Variants in GALNT18 observed in about 807,000 individuals in gnomAD.
GALNT18 encodes the protein GalNAc-transferase 18.
A neutral mutation model predicts 69.5 loss-of-function variants in GALNT18; 44 were observed. The observed-to-expected ratio is 0.63, with a 90% CI of 0.50 to 0.81. The LOEUF is 0.81. Among genes scored for constraint, GALNT18 ranks in the 40% least tolerant of loss-of-function variants. The probability of loss-of-function intolerance (pLI) is 0.00; values close to 1 mark genes in which losing one functional copy is unlikely to be tolerated. For missense variants in GALNT18, 715 were observed against 810.0 expected, an observed-to-expected ratio of 0.88 and a Z score of 1.42; for synonymous variants, 364 against 318.2, an observed-to-expected ratio of 1.14 and a Z score of -1.53.
intron 3 of GALNT18, among the ~76,000 whole-genome samples, chr11:11,418,990 A>G (rs1854929629): frequency 2.0e-5 from 3 of 152,180 alleles, no homozygotes; most frequent in Admixed American, 1.3e-4. Context: ...CCAGGTCACT[A>G]CCCTAGTTGT....
chr11:11,303,986 G>T lies in GALNT18; in HGVS notation c.1513-10793C>A, dbSNP rs965292650. Among the ~76,000 whole-genome samples the T allele has an allele frequency of 8.5e-5, 13 of 152,334 alleles. No individual in the cohort carries two copies. The East Asian group carries it at 2.5e-3, about 29-fold the overall frequency. ...TCCTCTGAAGATGGCTCTGTCCAGGGCTTGGCCCAAATGGTCTATGCTCTG... is the reference window on the plus strand; with the variant it reads ...TCCTCTGAAGATGGCTCTGTCCAGGTCTTGGCCCAAATGGTCTATGCTCTG... On this transcript the variant is annotated intron_variant, in intron 9 of 10. Transcript: ENST00000227756.
intron 1 of GALNT18, among the ~76,000 whole-genome samples, chr11:11,594,828 T>C (rs1859447858): frequency 3.3e-5 from 1 of 29,914 alleles, no homozygotes; most frequent in African/African-American, 6.2e-5. Context: ...TATATATATA[T>C]ATATATATAT....
In GALNT18 at chr11:11,486,550, C is replaced by T. The variant is rs557919788; in HGVS notation, c.236-37614G>A. Among the ~76,000 whole-genome samples the T allele has an allele frequency of 4.6e-5, 7 of 152,318 alleles. No individual in the cohort carries two copies. The East Asian group carries it at 1.2e-3, about 25-fold the overall frequency. On this transcript the variant is annotated intron_variant, in intron 1 of 10. Transcript: ENST00000227756. ...GGTTGACAACTTATTAAAAATGGTTCCTCACCTGGAAAGTGCTGATTACTT... is the reference window on the plus strand; with the variant it reads ...GGTTGACAACTTATTAAAAATGGTTTCTCACCTGGAAAGTGCTGATTACTT...
chr11:11,571,314 A>G (rs113427965), intron 1 of GALNT18, among the ~76,000 whole-genome samples: 2,796 of 152,358 alleles, frequency 0.018, 89 homozygotes, highest in African/African-American at 0.065. Context: ...TCTTTGGAGA[A>G]TCAACCCCTG....
chr11:11,577,128 C>T (rs1858944119), intron 1 of GALNT18, among the ~76,000 whole-genome samples: 1 of 152,224 alleles, frequency 6.6e-6, no homozygotes, highest in South Asian at 2.1e-4. Context: ...ATACTTACCT[C>T]ACACATCTGC....
intron 8 of GALNT18, 49 bp from the exon 9 acceptor site, chr11:11,327,230 G>C (rs1849938771): frequency 7.5e-7 from 1 of 1,328,864 alleles, no homozygotes; most frequent in South Asian, 1.2e-5. Flanking sequence ...GGAACAGAGA[G>C]AGCAAATGAA....
intron 1 of GALNT18, among the ~76,000 whole-genome samples, chr11:11,457,695 T>A (rs1564959421): frequency 2.0e-5 from 3 of 152,208 alleles, no homozygotes; most frequent in Admixed American, 1.3e-4. Context: ...TTCTTGTCCC[T>A]CGGTTTGTGC....
Position 11,543,833 on chromosome 11 carries a change from T to C in GALNT18, c.235+77526A>G, listed in dbSNP as rs918310484. 2.0e-5 allele frequency among the ~76,000 whole-genome samples: 3 copies of C among 152,202 alleles called. No individual in the cohort carries two copies. Among genetic ancestry groups the C allele is most frequent in the Non-Finnish European group, 4.4e-5 (3 of 68,022 alleles). ...TGGTTATTGCTCCCATTTCTTCTTCTGGCGCTCTGGGCTCCAATGGCTTCT... is the reference window on the plus strand; with the variant it reads ...TGGTTATTGCTCCCATTTCTTCTTCCGGCGCTCTGGGCTCCAATGGCTTCT... On this transcript the variant is annotated intron_variant, in intron 1 of 10. Coordinates refer to ENST00000227756, the MANE Select transcript of GALNT18 (RefSeq NM_198516.3). This position sits in a 1 kb window ranked among gnomAD's most constrained non-coding sequence, Gnocchi z 5.1.
rs1859545047 is a variant in GALNT18, at chr11:11,598,114, C to T, written c.235+23245G>A. ...AGTGCTAATCCTTACCTTTCTTCCA[C>T]TTGCTTTAGGTTTAGTTTGCTCTTC... On this transcript the variant is annotated intron_variant, in intron 1 of 10. Coordinates refer to ENST00000227756, the MANE Select transcript of GALNT18 (RefSeq NM_198516.3). This position sits in a 1 kb window ranked among gnomAD's most constrained non-coding sequence, Gnocchi z 4.8. Among the ~76,000 whole-genome samples, 1 of 152,076 alleles carries T rather than the reference C, an allele frequency of 6.6e-6. No individual in the cohort carries two copies. The highest frequency in any genetic ancestry group is 1.5e-5 in the Non-Finnish European group (1 of 68,018).
intron 1 of GALNT18, among the ~76,000 whole-genome samples, chr11:11,568,073 C>T (rs1858696663): frequency 6.6e-6 from 1 of 152,178 alleles, no homozygotes. Flanking sequence ...CAGGTCTGAA[C>T]AGAAGTTGTA....
intron 3 of GALNT18, among the ~76,000 whole-genome samples, chr11:11,426,783 G>C (rs1855143428): frequency 6.6e-6 from 1 of 152,116 alleles, no homozygotes; most frequent in African/African-American, 2.4e-5. Flanking sequence ...TGGGAAGGAG[G>C]CATTTGAGTA....
Position 11,604,908 on chromosome 11 carries a change from G to A in GALNT18, c.235+16451C>T, listed in dbSNP as rs944322821. ...AATAAAATCACTGCTCTCCTCGGTT[G>A]ACCCACTGGCTATTGCTCCTGGCCG... On this transcript the variant is annotated intron_variant, in intron 1 of 10. Coordinates refer to ENST00000227756, the MANE Select transcript of GALNT18 (RefSeq NM_198516.3). The surrounding 1 kb of genome is among the most constrained non-coding windows in gnomAD (Gnocchi z 5.6). Among the ~76,000 whole-genome samples, 1 of 152,070 alleles carries A rather than the reference G, an allele frequency of 6.6e-6. No homozygotes were observed. The highest frequency in any genetic ancestry group is 1.9e-4 in the East Asian group (1 of 5,180).
chr11:11,408,278 A>T (rs1399471572), intron 3 of GALNT18, among the ~76,000 whole-genome samples: 1 of 151,228 alleles, frequency 6.6e-6, no homozygotes, highest in Non-Finnish European at 1.5e-5. Context: ...TGAGGCCGGA[A>T]AATTGCTTGC....
chr11:11,306,388 A>G (rs1254574385), intron 9 of GALNT18, among the ~76,000 whole-genome samples: 1 of 148,474 alleles, frequency 6.7e-6, no homozygotes, highest in Admixed American at 6.9e-5. Flanking sequence ...GGAAGATGTT[A>G]GCCCAGAAAA....
chr11:11,283,254 C>G (rs1849121391), intron 10 of GALNT18, among the ~76,000 whole-genome samples: 1 of 152,266 alleles, frequency 6.6e-6, no homozygotes, highest in African/African-American at 2.4e-5. Flanking sequence ...TCAAGTGATT[C>G]TCCCGCCTCA....
At chr11:11,406,854 G>A (rs959667985) in intron 3 of GALNT18, among the ~76,000 whole-genome samples, 3 of 152,186 alleles carry the variant, frequency 2.0e-5, no homozygotes, top group Admixed American at 6.5e-5. Flanking sequence ...TCCCATCCCC[G>A]CCCTTTTGGA....
At chr11:11,559,468 G>C (rs1480541116) in intron 1 of GALNT18, among the ~76,000 whole-genome samples, 1 of 152,196 alleles carries the variant, frequency 6.6e-6, no homozygotes, top group African/African-American at 2.4e-5. Flanking sequence ...GCTTAGAAGA[G>C]GACCTGACAC....
chr11:11,292,940 CCT>C, intron 10 of GALNT18, 87 bp downstream of exon 10: 1 of 1,217,260 alleles, frequency 8.2e-7, no homozygotes. Flanking sequence ...TTCCCCTTCC[CCT>C]CTCCTCCACC....
At chr11:11,526,065 A>G (rs1857517712) in intron 1 of GALNT18, among the ~76,000 whole-genome samples, 1 of 152,180 alleles carries the variant, frequency 6.6e-6, no homozygotes. Context: ...GAGGCAGTGT[A>G]GACATTTGCT....
Sources: allele counts gnomAD v4.1 joint callset (sites outside exome capture counted in the v4.1 genomes callset), GRCh38; gene constraint gnomAD v4.1.1; non-coding constraint Gnocchi (gnomAD v3.1); transcripts MANE v1.5; gene names NCBI Gene and HGNC (gene_info 2026-07-23, HGNC 2026-07-21).